The following GPR158 variants were observed in gnomAD, a reference collection of about 807,000 sequenced individuals.
The protein encoded by GPR158 is G protein-coupled receptor 158.
A neutral mutation model predicts 78.2 loss-of-function variants in GPR158; 30 were observed. The observed-to-expected ratio is 0.38, with a 90% confidence interval of 0.29 to 0.52. The LOEUF is 0.52. GPR158 is among the 20% of genes least tolerant of loss of function. GPR158 has a pLI of 0.83. For missense variants in GPR158, 1,463 were observed against 1,523.5 expected, an observed-to-expected ratio of 0.96 and a Z score of 0.66; for synonymous variants, 581 against 591.1, an observed-to-expected ratio of 0.98 and a Z score of 0.25.
Position 25,245,355 on chromosome 10 carries a change from G to A in GPR158, c.1008+24198G>A, listed in dbSNP as rs182259883. 2.8e-4 allele frequency among the ~76,000 whole-genome samples: 43 copies of A among 152,284 alleles called. 2 individuals carry two copies. The East Asian group carries it at 8.3e-3, about 29-fold the overall frequency. On this transcript the variant is annotated intron_variant, in intron 2 of 10. Coordinates refer to ENST00000376351, the MANE Select transcript of GPR158 (RefSeq NM_020752.3). ...ATCCTATGGTGAGTCATAGGATCATGGGATATGATTATTTCTTTTTATTAA... is the reference window on the plus strand; with the variant it reads ...ATCCTATGGTGAGTCATAGGATCATAGGATATGATTATTTCTTTTTATTAA...
At chr10:25,276,947 A>ATTT (rs750990710) in intron 2 of GPR158, among the ~76,000 whole-genome samples, 1 of 139,350 alleles carries the variant, frequency 7.2e-6, no homozygotes, top group African/African-American at 2.6e-5. Context: ...GCATCCAACT[A>ATTT]TTTTTTTTTT....
chr10:25,572,914 G>C, intron 7 of GPR158, 27 bp downstream of exon 7: 1 of 1,283,152 alleles, frequency 7.8e-7, no homozygotes. Flanking sequence ...TTCGTATGAT[G>C]GTCTTACCAT....
intron 6 of GPR158, among the ~76,000 whole-genome samples, chr10:25,565,464 A>C (rs1836917164): frequency 6.6e-6 from 1 of 152,104 alleles, no homozygotes; most frequent in Non-Finnish European, 1.5e-5. Flanking sequence ...AGAAAAGAGC[A>C]TATAGGAAAG....
intron 4 of GPR158, among the ~76,000 whole-genome samples, chr10:25,455,768 A>C (rs1329251): frequency 1.3e-5 from 2 of 152,200 alleles, no homozygotes. Flanking sequence ...GCTGATAAGC[A>C]TAAAGACCAA....
At chr10:25,195,381 A>G (rs1172440966) in intron 1 of GPR158, among the ~76,000 whole-genome samples, 2 of 151,852 alleles carry the variant, frequency 1.3e-5, no homozygotes, top group Non-Finnish European at 2.9e-5. Flanking sequence ...AAATTTTTGT[A>G]TTTTTGTAGA....
intron 4 of GPR158, among the ~76,000 whole-genome samples, chr10:25,440,350 C>T (rs1352297063): frequency 6.6e-6 from 1 of 152,112 alleles, no homozygotes; most frequent in Non-Finnish European, 1.5e-5. Flanking sequence ...GAGCTGGGAT[C>T]CTTTAGGGTA....
chr10:25,322,313 G>A lies in GPR158; in HGVS notation c.1009-73598G>A, dbSNP rs558735990. Among the ~76,000 whole-genome samples the A allele has an allele frequency of 1.8e-3, 279 of 152,006 alleles. 1 individual carries two copies. The highest frequency in any genetic ancestry group is 6.3e-3 in the African/African-American group (263 of 41,476). ...GGAGAATGGCGTGAACCCGGGAGGC[G>A]GAGCTTGCAGTGAGCCGAGATGGCG... On this transcript the variant is annotated intron_variant, in intron 2 of 10. Coordinates refer to ENST00000376351, the MANE Select transcript of GPR158 (RefSeq NM_020752.3).
At chr10:25,371,246 G>T (rs1457948020) in intron 2 of GPR158, among the ~76,000 whole-genome samples, 2 of 151,208 alleles carry the variant, frequency 1.3e-5, no homozygotes, top group African/African-American at 4.9e-5. Context: ...ATTAGTTGAT[G>T]CAGTTTCTTC....
intron 2 of GPR158, among the ~76,000 whole-genome samples, chr10:25,231,698 A>G (rs986951824): frequency 2.0e-5 from 3 of 152,252 alleles, no homozygotes; most frequent in Non-Finnish European, 4.4e-5. Flanking sequence ...GTAGAGAATT[A>G]GAACACAAAT....
chr10:25,364,152 AG>A (rs1855683553), intron 2 of GPR158, among the ~76,000 whole-genome samples: 1 of 151,970 alleles, frequency 6.6e-6, no homozygotes, highest in Non-Finnish European at 1.5e-5. Flanking sequence ...AAGATATATA[AG>A]TAATTTGCCC....
intron 4 of GPR158, among the ~76,000 whole-genome samples, chr10:25,440,358 G>A (rs1262542458): frequency 2.0e-5 from 3 of 152,150 alleles, no homozygotes; most frequent in African/African-American, 2.4e-5. Flanking sequence ...ATCCTTTAGG[G>A]TAGCCAGTAA....
intron 3 of GPR158, among the ~76,000 whole-genome samples, chr10:25,407,152 T>G (rs1409546125): frequency 4.6e-5 from 7 of 152,194 alleles, no homozygotes; most frequent in Non-Finnish European, 1.0e-4. Context: ...TATCTTAAGT[T>G]CTGCTTCCTG....
At chr10:25,517,294 A>G (rs1328745913) in intron 5 of GPR158, among the ~76,000 whole-genome samples, 1 of 151,688 alleles carries the variant, frequency 6.6e-6, no homozygotes, top group East Asian at 1.9e-4. Context: ...GGTTTTCTAG[A>G]TAAACAATCA....
chr10:25,491,074 A>C (rs2130647326), intron 5 of GPR158, among the ~76,000 whole-genome samples: 1 of 152,308 alleles, frequency 6.6e-6, no homozygotes, highest in Admixed American at 6.5e-5. Context: ...AAAAGCATGA[A>C]GAATTGAGCT....
chr10:25,338,793 G>A (rs1277821120), intron 2 of GPR158, among the ~76,000 whole-genome samples: 2 of 150,356 alleles, frequency 1.3e-5, no homozygotes, highest in African/African-American at 2.4e-5. Flanking sequence ...TTGTTAATTT[G>A]TGCCAGAAAT....
intron 2 of GPR158, among the ~76,000 whole-genome samples, chr10:25,348,937 T>G (rs183859818): frequency 7.2e-5 from 11 of 152,164 alleles, no homozygotes; most frequent in Admixed American, 7.2e-4. Context: ...TGAACTCTGA[T>G]GTTCATTATT....
At chr10:25,296,228 G>C (rs950016167) in intron 2 of GPR158, among the ~76,000 whole-genome samples, 3 of 152,052 alleles carry the variant, frequency 2.0e-5, no homozygotes, top group Non-Finnish European at 4.4e-5. Context: ...CCCTGGGATA[G>C]TGATAATGGG....
At chr10:25,551,695 A>G (rs1458369456) in intron 6 of GPR158, among the ~76,000 whole-genome samples, 1 of 152,158 alleles carries the variant, frequency 6.6e-6, no homozygotes, top group African/African-American at 2.4e-5. Flanking sequence ...ACCTATCTAC[A>G]AAGGCTAGGA....
At chr10:25,509,756 A>T (rs6482489) in intron 5 of GPR158, among the ~76,000 whole-genome samples, 1 of 152,084 alleles carries the variant, frequency 6.6e-6, no homozygotes, top group Non-Finnish European at 1.5e-5. Flanking sequence ...TCGCTCTGTC[A>T]CCCAGGCTGG....
Sources: gnomAD v4.1 joint callset for allele counts (sites outside exome capture counted in the v4.1 genomes callset) on GRCh38, gnomAD v4.1.1 for gene constraint, MANE v1.5 for transcripts, NCBI Gene and HGNC (gene_info 2026-07-23, HGNC 2026-07-21) for gene names.